The following CSMD1 variants were observed in gnomAD, a reference collection of about 807,000 sequenced individuals.
CSMD1 encodes CUB and sushi domain-containing protein 1.
A neutral mutation model predicts 417.5 loss-of-function variants in CSMD1; 213 were observed. The observed-to-expected ratio is 0.51, with a 90% CI of 0.46 to 0.57. The LOEUF is 0.57. Ranked by LOEUF, CSMD1 falls within the 20% of genes least tolerant of loss-of-function variation. CSMD1 has a pLI of 0.00. For synonymous variants in CSMD1, 2,862 were observed against 1,736.8 expected, an observed-to-expected ratio of 1.65 and a Z score of -16.11; for missense variants, 6,923 against 4,529.7, an observed-to-expected ratio of 1.53 and a Z score of -15.17.
chr8:3,449,879 T>G (rs898293181), intron 12 of CSMD1, among the ~76,000 whole-genome samples: 1 of 152,208 alleles, frequency 6.6e-6, no homozygotes, highest in African/African-American at 2.4e-5. Context: ...TTGTAAAGTT[T>G]CTAATTATTT....
chr8:3,547,238 C>T (rs1341470871), intron 10 of CSMD1, among the ~76,000 whole-genome samples: 1 of 152,198 alleles, frequency 6.6e-6, no homozygotes, highest in Non-Finnish European at 1.5e-5. Flanking sequence ...GTGAGCAAGC[C>T]TCTTCTTGTG....
At chr8:4,031,109 C>T (rs939893922) in intron 4 of CSMD1, among the ~76,000 whole-genome samples, 2 of 152,170 alleles carry the variant, frequency 1.3e-5, no homozygotes, top group African/African-American at 4.8e-5. Context: ...TTCCTGTCTC[C>T]TTCTGAGTCC....
At chr8:4,759,312 C>G (rs760143647) in intron 1 of CSMD1, among the ~76,000 whole-genome samples, 1 of 152,198 alleles carries the variant, frequency 6.6e-6, no homozygotes, top group East Asian at 1.9e-4. Flanking sequence ...AAGAGGGCAT[C>G]TGGTCTGAAA....
At chr8:3,329,457 T>G (rs879629794) in intron 23 of CSMD1, among the ~76,000 whole-genome samples, 6 of 152,132 alleles carry the variant, frequency 3.9e-5, no homozygotes, top group Admixed American at 6.5e-5. Flanking sequence ...GGAGCATATA[T>G]GATGAACGGG....
intron 3 of CSMD1, among the ~76,000 whole-genome samples, chr8:4,382,491 A>G (rs892556442): frequency 1.1e-4 from 16 of 152,180 alleles, no homozygotes; most frequent in Admixed American, 6.5e-4. Flanking sequence ...CCAACCACCT[A>G]AACTCTCTGT....
chr8:3,504,617 C>T (rs1796746544), intron 10 of CSMD1, among the ~76,000 whole-genome samples: 1 of 152,190 alleles, frequency 6.6e-6, no homozygotes, highest in African/African-American at 2.4e-5. Context: ...AAGAAAAACT[C>T]ATCTGTCTTC....
At chr8:3,664,343 A>C (rs530996855) in intron 7 of CSMD1, among the ~76,000 whole-genome samples, 3 of 152,186 alleles carry the variant, frequency 2.0e-5, no homozygotes, top group African/African-American at 7.2e-5. Flanking sequence ...TTCATCTTAA[A>C]ATTAAAATAT....
intron 3 of CSMD1, among the ~76,000 whole-genome samples, chr8:4,154,444 G>C (rs1166284364): frequency 6.6e-6 from 1 of 152,150 alleles, no homozygotes; most frequent in Non-Finnish European, 1.5e-5. Context: ...GCCTCAAAGA[G>C]CTGAAAATCA....
intron 3 of CSMD1, among the ~76,000 whole-genome samples, chr8:4,064,602 C>G (rs530926117): frequency 1.3e-5 from 2 of 152,172 alleles, no homozygotes; most frequent in Non-Finnish European, 2.9e-5. Context: ...CGTTTCCGAA[C>G]GTGGCAAGGC....
chr8:4,467,397 T>C (rs1800246891), intron 2 of CSMD1, among the ~76,000 whole-genome samples: 1 of 152,110 alleles, frequency 6.6e-6, no homozygotes, highest in Admixed American at 6.5e-5. Context: ...GCTCATCTCC[T>C]CCATTTTTCT....
At chr8:4,324,449 C>G (rs1799439296) in intron 3 of CSMD1, among the ~76,000 whole-genome samples, 1 of 152,176 alleles carries the variant, frequency 6.6e-6, no homozygotes, top group Non-Finnish European at 1.5e-5. Flanking sequence ...TGTCAGTGAA[C>G]ACAGCAAACC....
chr8:4,323,713 A>G (rs1799397313), intron 3 of CSMD1, among the ~76,000 whole-genome samples: 1 of 151,902 alleles, frequency 6.6e-6, no homozygotes, highest in South Asian at 2.1e-4. Context: ...GGAAGCCGAG[A>G]GGGTATGATT....
intron 3 of CSMD1, among the ~76,000 whole-genome samples, chr8:4,374,874 G>C (rs1054760481): frequency 4.1e-5 from 6 of 145,236 alleles, no homozygotes; most frequent in Admixed American, 3.7e-4. Context: ...TTAAACACAG[G>C]ACATGAAGCT....
intron 3 of CSMD1, among the ~76,000 whole-genome samples, chr8:4,321,816 T>C (rs1048150555): frequency 2.6e-5 from 4 of 152,152 alleles, no homozygotes; most frequent in Non-Finnish European, 4.4e-5. Context: ...CTAAATATCT[T>C]TTTTGGTAGT....
intron 5 of CSMD1, among the ~76,000 whole-genome samples, chr8:3,845,188 T>C (rs1035490982): frequency 2.6e-5 from 4 of 152,200 alleles, no homozygotes; most frequent in African/African-American, 7.2e-5. Flanking sequence ...CACATACCGT[T>C]AGGAAAATAG....
intron 25 of CSMD1, among the ~76,000 whole-genome samples, chr8:3,296,948 A>G (rs879670703): frequency 2.0e-5 from 3 of 152,192 alleles, no homozygotes; most frequent in Non-Finnish European, 4.4e-5. Flanking sequence ...AGTGGAGAAA[A>G]TAAACATGTA....
chr8:4,311,542 G>T (rs1365612560), intron 3 of CSMD1, among the ~76,000 whole-genome samples: 1 of 151,922 alleles, frequency 6.6e-6, no homozygotes, highest in African/African-American at 2.4e-5. Context: ...GACCAATACG[G>T]TGAAACCCTG....
At chr8:4,977,413 G>C (rs569646205) in intron 1 of CSMD1, among the ~76,000 whole-genome samples, 1 of 152,298 alleles carries the variant, frequency 6.6e-6, no homozygotes, top group African/African-American at 2.4e-5. Context: ...GGCTGGAGGA[G>C]ACTGTTGTGT....
intron 1 of CSMD1, among the ~76,000 whole-genome samples, chr8:4,816,039 A>G (rs1799186970): frequency 6.6e-6 from 1 of 152,192 alleles, no homozygotes; most frequent in African/African-American, 2.4e-5. Flanking sequence ...GCAGAGGCTT[A>G]CCAGGTGCAC....
Sources: gnomAD v4.1 joint callset for allele counts (sites outside exome capture counted in the v4.1 genomes callset) on GRCh38, gnomAD v4.1.1 for gene constraint, MANE v1.5 for transcripts, NCBI Gene and HGNC (gene_info 2026-07-23, HGNC 2026-07-21) for gene names.